Variants in SORBS2 observed in about 807,000 individuals in gnomAD.
SORBS2 encodes sorbin and SH3 domain-containing protein 2.
SORBS2 carries 46 observed loss-of-function variants against 97.7 expected under a neutral mutation model. That is an observed-to-expected ratio of 0.47 (90% confidence interval 0.37 to 0.60). The LOEUF is 0.60. Among genes scored for constraint, SORBS2 ranks in the 20% least tolerant of loss-of-function variants. The pLI, the probability that SORBS2 is intolerant of heterozygous loss-of-function variation, is 0.00. For synonymous variants in SORBS2, 476 were observed against 473.4 expected, an observed-to-expected ratio of 1.01 and a Z score of -0.07; for missense variants, 1,316 against 1,282.3, an observed-to-expected ratio of 1.03 and a Z score of -0.40.
At chr4:185,688,404 A>T (rs985975472) in intron 2 of SORBS2, among the ~76,000 whole-genome samples, 1 of 150,692 alleles carries the variant, frequency 6.6e-6, no homozygotes, top group African/African-American at 2.4e-5. Context: ...ATTGATATAT[A>T]TATCAATAAA....
intron 2 of SORBS2, chr4:185,772,517 G>C (rs2098977377): frequency 6.6e-6 from 1 of 152,136 alleles, no homozygotes; most frequent in Non-Finnish European, 1.5e-5. Flanking sequence ...CGAGCACAGA[G>C]GTATATTTAA....
chr4:185,892,194 A>C (rs191303358), intron 1 of SORBS2, among the ~76,000 whole-genome samples: 1 of 152,370 alleles, frequency 6.6e-6, no homozygotes, highest in Non-Finnish European at 1.5e-5. Flanking sequence ...AGTAAACTCA[A>C]GAATTTCAAT....
At chr4:185,712,781 T>C (rs2098435122) in intron 2 of SORBS2, among the ~76,000 whole-genome samples, 1 of 152,120 alleles carries the variant, frequency 6.6e-6, no homozygotes, top group Non-Finnish European at 1.5e-5. Flanking sequence ...CTCCCTCCTG[T>C]GAGGAGTTGA....
chr4:185,738,040 A>T (rs1467982805), intron 2 of SORBS2, among the ~76,000 whole-genome samples: 1 of 152,172 alleles, frequency 6.6e-6, no homozygotes, highest in Non-Finnish European at 1.5e-5. Context: ...CGGCATCAAG[A>T]AGCAATAATC....
At position 185,607,380 on chromosome 4, in the gene SORBS2, G is replaced by C; in HGVS notation, c.2796+4400C>G. 8.5e-7 allele frequency: 1 copy of C among 1,177,724 alleles called. No individual in the cohort carries two copies. Among genetic ancestry groups the C allele is most frequent in the South Asian group, 1.3e-5 (1 of 78,276 alleles). The allele number at this position is 1,177,724 out of a possible 1,614,324, so 73.0% of individuals were successfully genotyped here. A position where few individuals can be genotyped will look rare whatever the true frequency, so the allele number is the denominator to read the frequency against. ...AAATGAGCACGGATTATGAAGTTAA[G>C]AAAAAATAAACTAAGAAAATAATAA... On this transcript the variant is annotated intron_variant, in intron 12 of 14. Transcript: ENST00000418609. This position sits in a 1 kb window ranked among gnomAD's most constrained non-coding sequence, Gnocchi z 5.2.
In SORBS2 at chr4:185,811,055, G is replaced by A. The variant is rs1363468615; in HGVS notation, c.-337-35689C>T. The A allele has an allele frequency of 2.6e-5, 4 of 152,120 alleles. No homozygotes were observed. The East Asian group carries it at 7.7e-4, about 29-fold the overall frequency. The allele number at this position is 152,120 out of a possible 1,614,324, so 9.4% of individuals were successfully genotyped here. ...GGCCAGCAAGGCATGCAGATACTCG[G>A]AAAGGAGGTGTGAACGGCTTCCAAT... is the stretch of plus-strand genomic sequence containing the variant. On this transcript the variant is annotated intron_variant, in intron 1 of 20. Coordinates refer to the SORBS2 transcript ENST00000284776.
intron 11 of SORBS2, among the ~76,000 whole-genome samples, chr4:185,612,186 T>C (rs1017223890): frequency 2.6e-5 from 4 of 152,206 alleles, no homozygotes; most frequent in Admixed American, 2.6e-4. Context: ...GAAATGTCCA[T>C]TCAGGCCATC....
intron 2 of SORBS2, among the ~76,000 whole-genome samples, chr4:185,717,597 T>A (rs934468302): frequency 6.6e-6 from 1 of 152,192 alleles, no homozygotes; most frequent in East Asian, 1.9e-4. Flanking sequence ...AGAAGCCGCA[T>A]GTGGTCAAAG....
chr4:185,909,985 G>GAAAA (rs142443290), intron 1 of SORBS2, among the ~76,000 whole-genome samples: 82 of 112,594 alleles, frequency 7.3e-4, no homozygotes, highest in Non-Finnish European at 9.3e-4. Flanking sequence ...CTCCATCTCA[G>GAAAA]AAAAAAAAAA....
intron 1 of SORBS2, among the ~76,000 whole-genome samples, chr4:185,951,068 T>A (rs1434553480): frequency 6.6e-6 from 1 of 152,188 alleles, no homozygotes; most frequent in Admixed American, 6.5e-5. Flanking sequence ...AATGACATCA[T>A]ACTCAACAAA....
chr4:185,805,082 C>T (rs545482029), intron 1 of SORBS2, among the ~76,000 whole-genome samples: 31 of 152,120 alleles, frequency 2.0e-4, no homozygotes, highest in South Asian at 1.0e-3. Context: ...TACCAAGAGG[C>T]TTTAAAAAAA....
intron 1 of SORBS2, chr4:185,656,609 C>A: frequency 6.5e-7 from 1 of 1,548,368 alleles, no homozygotes; most frequent in Admixed American, 2.0e-5. Context: ...TGGCCCCCAA[C>A]TTCACCTGCA....
At chr4:185,628,633 C>T (rs2096857036) in intron 5 of SORBS2, among the ~76,000 whole-genome samples, 1 of 152,110 alleles carries the variant, frequency 6.6e-6, no homozygotes, top group Non-Finnish European at 1.5e-5. Context: ...CCTGTAGTCC[C>T]AGCTATTCAG....
chr4:185,639,078 G>C, intron 4 of SORBS2, 43 bp from the exon 14 acceptor site: 1 of 1,477,644 alleles, frequency 6.8e-7, no homozygotes, highest in East Asian at 2.9e-5. Context: ...TTAGATGGAG[G>C]CTCTGGGCGG....
At chr4:185,945,739 G>A (rs2099274216) in intron 1 of SORBS2, among the ~76,000 whole-genome samples, 1 of 152,340 alleles carries the variant, frequency 6.6e-6, no homozygotes, top group East Asian at 1.9e-4. Flanking sequence ...GAGCAGAGAG[G>A]ACAGATATCT....
At chr4:185,752,266 TTTTA>T (rs563836003) in intron 2 of SORBS2, among the ~76,000 whole-genome samples, 5 of 152,266 alleles carry the variant, frequency 3.3e-5, no homozygotes, top group Admixed American at 2.0e-4. Context: ...TGCAGCAGAC[TTTTA>T]TTTATTTATT....
At chr4:185,665,771 T>G in intron 4 of SORBS2, 1 of 1,065,174 alleles carries the variant, frequency 9.4e-7, no homozygotes, top group Non-Finnish European at 1.1e-6. Context: ...GTGCCATCTG[T>G]CACAGCAGAC....
intron 8 of SORBS2, 96 bp from the exon 21 acceptor site, chr4:185,618,727 G>C (rs1055275886): frequency 4.7e-6 from 3 of 642,378 alleles, no homozygotes; most frequent in Non-Finnish European, 5.4e-6. Flanking sequence ...AAACCTCAGG[G>C]AATCATCAAA....
At chr4:185,772,001 C>G (rs932464765) in intron 2 of SORBS2, 2 of 152,070 alleles carry the variant, frequency 1.3e-5, no homozygotes, top group Non-Finnish European at 2.9e-5. Context: ...CTTGGTGTCT[C>G]TAATGAGAAA....
Sources: allele counts gnomAD v4.1 joint callset (sites outside exome capture counted in the v4.1 genomes callset), GRCh38; gene constraint gnomAD v4.1.1; non-coding constraint Gnocchi (gnomAD v3.1); transcripts MANE v1.5; gene names NCBI Gene and HGNC (gene_info 2026-07-23, HGNC 2026-07-21).